Variants in PIEZO2 observed in about 807,000 individuals in gnomAD.
The protein encoded by PIEZO2 is piezo-type mechanosensitive ion channel component 2.
PIEZO2 carries 172 observed loss-of-function variants against 337.3 expected under a neutral mutation model. The observed-to-expected ratio is 0.51, with a 90% CI of 0.45 to 0.58. The LOEUF (loss-of-function observed/expected upper bound fraction) is 0.58, where lower values mean the gene tolerates loss of function less well. Among genes scored for constraint, PIEZO2 ranks in the 20% least tolerant of loss-of-function variants. PIEZO2 has a pLI of 0.00. For synonymous variants in PIEZO2, 1,251 were observed against 1,228.5 expected (o/e 1.02, Z -0.38); for missense variants, 3,028 against 3,391.3 (o/e 0.89, Z 2.66).
rs576609102 is a variant in PIEZO2 at position 11,116,240 on chromosome 18, A to G, written c.64+32285T>C. Among the ~76,000 whole-genome samples, 2 of 152,246 alleles carry G rather than the reference A, an allele frequency of 1.3e-5. No homozygotes were observed. Among genetic ancestry groups the G allele is most frequent in the African/African-American group, 4.8e-5 (2 of 41,562 alleles). On this transcript the variant is annotated intron_variant, in intron 1 of 55. Transcript: ENST00000674853. This position sits in a 1 kb window ranked among gnomAD's most constrained non-coding sequence, Gnocchi z 5.0. ...TTCAATATCCAGCTTTACAAATCCT[A>G]TCTGGTCTTTGATTTTGGAAATGTC...
At chr18:10,841,369 T>C (rs1359270456) in intron 7 of PIEZO2, among the ~76,000 whole-genome samples, 2 of 152,126 alleles carry the variant, frequency 1.3e-5, no homozygotes, top group Non-Finnish European at 2.9e-5. Context: ...GCAAGTTTCA[T>C]GAGCTGAAAA....
chr18:11,096,789 A>G lies in PIEZO2; in HGVS notation c.65-30567T>C, dbSNP rs1208753526. Reference sequence around the variant, plus strand: ...GCTCAGGCTGACCACACTAACATAAAAAGCACTCATTCTTCTGCATTTCCT... The same window carrying G: ...GCTCAGGCTGACCACACTAACATAAGAAGCACTCATTCTTCTGCATTTCCT... On this transcript the variant is annotated intron_variant, in intron 1 of 55. Coordinates refer to ENST00000674853, the MANE Select transcript of PIEZO2 (RefSeq NM_001378183.1). This position sits in a 1 kb window ranked among gnomAD's most constrained non-coding sequence, Gnocchi z 4.6. 6.6e-6 allele frequency among the ~76,000 whole-genome samples: 1 copy of G among 152,134 alleles called. No individual in the cohort carries two copies. The highest frequency in any genetic ancestry group is 1.5e-5 in the Non-Finnish European group (1 of 68,030).
At chr18:10,771,438 C>G (rs2038600648) in intron 20 of PIEZO2, among the ~76,000 whole-genome samples, 1 of 152,242 alleles carries the variant, frequency 6.6e-6, no homozygotes, top group South Asian at 2.1e-4. Context: ...ACTTTATTGA[C>G]TGAAAGTCAC....
intron 1 of PIEZO2, among the ~76,000 whole-genome samples, chr18:11,091,857 GT>G (rs1297314467): frequency 6.6e-6 from 1 of 152,214 alleles, no homozygotes; most frequent in Non-Finnish European, 1.5e-5. Context: ...AAGACCACAA[GT>G]CAAGTCTCAC....
At chr18:10,960,093 C>A (rs1418596400) in intron 3 of PIEZO2, among the ~76,000 whole-genome samples, 2 of 152,240 alleles carry the variant, frequency 1.3e-5, no homozygotes, top group African/African-American at 4.8e-5. Flanking sequence ...ATATTGACAT[C>A]ATAAGGCTGT....
chr18:10,999,996 C>T (rs1303749364), intron 2 of PIEZO2, among the ~76,000 whole-genome samples: 1 of 152,130 alleles, frequency 6.6e-6, no homozygotes, highest in Non-Finnish European at 1.5e-5. Flanking sequence ...GGCCATTTCA[C>T]TGGTATCAAA....
At position 10,689,738 on chromosome 18, in the gene PIEZO2, T is replaced by C. The variant is rs1182680721; in HGVS notation, c.7414A>G (p.Thr2472Ala). The C allele has an allele frequency of 3.1e-6, 5 of 1,614,198 alleles. No homozygotes were observed. Among genetic ancestry groups the C allele is most frequent in the Non-Finnish European group, 4.2e-6 (5 of 1,180,022 alleles). ...AVMDWVWTDT[T>A]LSLSSWICVE... is the part of the protein sequence containing the mutation. ...CAGATCCAGCTGGACAGGCTCAAAG[T>C]TGTGTCCGTCCACACCCAGTCCATC... is the stretch of plus-strand genomic sequence containing the variant. The change falls in exon 49 of 56, where the codon ACT becomes GCT. Residue 2472 changes from threonine (T) to alanine (A), a missense_variant. Coordinates refer to ENST00000674853, the MANE Select transcript of PIEZO2 (RefSeq NM_001378183.1).
In PIEZO2 at chr18:10,752,741, G is replaced by C; in HGVS notation, c.4062C>G (p.Leu1354=). 3 of 1,537,268 alleles carry C rather than the reference G, an allele frequency of 2.0e-6. No individual in the cohort carries two copies. The highest frequency in any genetic ancestry group is 2.6e-6 in the Non-Finnish European group (3 of 1,146,926). ...GTTTCAACAGCAAATCGCCCCCAAA[G>C]AGCAGGAAGTAGAAACAGGCCACCA... ...GYLVACFYFL[L]FGGDLLLKPI... is the part of the protein sequence containing the mutation. Residue 1354 remains leucine, a synonymous_variant, in exon 28 of 56, where the codon CTC becomes CTG. Transcript: ENST00000674853.
intron 7 of PIEZO2, among the ~76,000 whole-genome samples, chr18:10,825,786 G>T (rs1012350012): frequency 3.0e-4 from 45 of 151,872 alleles, no homozygotes; most frequent in African/African-American, 1.0e-3. Flanking sequence ...CCCGACCTCA[G>T]GTGATCTGCC....
Position 10,931,712 on chromosome 18 carries a change from G to A in PIEZO2, c.287-20484C>T, listed in dbSNP as rs1408566775. Among the ~76,000 whole-genome samples, 3 of 91,154 alleles carry A rather than the reference G, an allele frequency of 3.3e-5. No homozygotes were observed. In the Admixed American group the frequency reaches 3.6e-4, roughly 11 times the overall value. 59.8% of individuals were successfully genotyped at this position (91,154 alleles called of 152,430 possible). ...TTCTCTGTGTGGTGTGTGTGTGTGT[G>A]TGAGAGAGAGAGAGAGAGAGAGAGA... On this transcript the variant is annotated intron_variant, in intron 3 of 55. Coordinates refer to ENST00000674853, the MANE Select transcript of PIEZO2 (RefSeq NM_001378183.1).
chr18:10,731,215 A>ATG (rs1567995816), intron 36 of PIEZO2, among the ~76,000 whole-genome samples, 192 bp downstream of exon 36: 106 of 128,712 alleles, frequency 8.2e-4, no homozygotes, highest in African/African-American at 2.9e-3. Flanking sequence ...ATATATATAT[A>ATG]TATCTCCTAA....
intron 7 of PIEZO2, among the ~76,000 whole-genome samples, chr18:10,829,179 A>G (rs1189847): frequency 0.2 from 30,022 of 152,078 alleles, 3,853 homozygotes; most frequent in African/African-American, 0.37. Context: ...GCTTATTTGC[A>G]TCACACAGAG....
rs772751770 is a variant in PIEZO2, at chr18:10,760,933, A to C, written c.3428T>G (p.Phe1143Cys). ...INCAKYFINYFFYKFGLETCF... is the reference protein window; with the variant it reads ...INCAKYFINYCFYKFGLETCF... ...CACCTCCAGACCAAACTTGTAAAAG[A>C]AGTAATTAATGAAATATTTGGCACA... Residue 1143 changes from phenylalanine to cysteine, a missense_variant, in exon 24 of 56, where the codon TTC becomes TGC. Coordinates refer to ENST00000674853, the MANE Select transcript of PIEZO2 (RefSeq NM_001378183.1). 2.6e-6 allele frequency: 4 copies of C among 1,532,302 alleles called. No homozygotes were observed. 94.9% of individuals were successfully genotyped at this position (1,532,302 alleles called of 1,614,324 possible).
In PIEZO2 at chr18:10,955,342, A is replaced by G. The variant is rs892604139; in HGVS notation, c.286+24193T>C. On this transcript the variant is annotated intron_variant, in intron 3 of 55. Transcript: ENST00000674853. The stretch of plus-strand genomic sequence containing the variant: ...AGAGAGCAAGGAGACAGCTATTGGC[A>G]TGGCCTGTCTGGGAGGCCTGTAGTC... 3.9e-5 allele frequency among the ~76,000 whole-genome samples: 6 copies of G among 152,212 alleles called. No individual in the cohort carries two copies. The East Asian group carries it at 1.2e-3, about 29-fold the overall frequency.
In PIEZO2 at chr18:11,033,053, A is replaced by C. The variant is rs1487977743; in HGVS notation, c.160+33074T>G. On this transcript the variant is annotated intron_variant, in intron 2 of 55. Transcript: ENST00000674853. The surrounding 1 kb of genome is among the most constrained non-coding windows in gnomAD (Gnocchi z 4.2). ...AGTTCCAGGGTCTGGTGGCACCCAG[A>C]TAATCCTTTTCTGACTGGTCATATA... Among the ~76,000 whole-genome samples the C allele has an allele frequency of 6.6e-6, 1 of 152,222 alleles. No homozygotes were observed. The highest frequency in any genetic ancestry group is 6.5e-5 in the Admixed American group (1 of 15,282).
At chr18:11,044,279 G>T (rs1250428048) in intron 2 of PIEZO2, among the ~76,000 whole-genome samples, 3 of 151,476 alleles carry the variant, frequency 2.0e-5, no homozygotes, top group African/African-American at 7.3e-5. Flanking sequence ...TCAAAATGTG[G>T]AAACAAATAT....
At position 10,691,768 on chromosome 18, in the gene PIEZO2, A is replaced by AACACAC. The variant is rs1339141004; in HGVS notation, c.7191-391_7191-386dup. ...ATATGATATATTAAAAATATATATAAACACACACACACACATATATATATA... is the reference window on the plus strand; with the variant it reads ...ATATGATATATTAAAAATATATATAAACACACACACACACACACACATATATATATA... On this transcript the variant is annotated intron_variant, in intron 47 of 55. Transcript: ENST00000674853. Among the ~76,000 whole-genome samples, 16 of 75,442 alleles carry AACACAC rather than the reference A, an allele frequency of 2.1e-4. 3 individuals carry two copies. Among genetic ancestry groups the AACACAC allele is most frequent in the East Asian group, 1.0e-3 (2 of 2,006 alleles). The allele number at this position is 75,442 out of a possible 152,430, so 49.5% of individuals were successfully genotyped here. A position where few individuals can be genotyped will look rare whatever the true frequency, so the allele number is the denominator to read the frequency against.
Position 10,676,553 on chromosome 18 carries a change from C to T in PIEZO2, c.8081+1194G>A, listed in dbSNP as rs189464955. Among the ~76,000 whole-genome samples, 10 of 152,262 alleles carry T rather than the reference C, an allele frequency of 6.6e-5. No individual in the cohort carries two copies. The highest frequency in any genetic ancestry group is 1.4e-4 in the African/African-American group (6 of 41,552). Reference sequence around the variant, plus strand: ...CCTTTTACCCCTTGTCCTCCTCAACCGTGTATACTCTACCCCCATTCAGAG... The same window carrying T: ...CCTTTTACCCCTTGTCCTCCTCAACTGTGTATACTCTACCCCCATTCAGAG... On this transcript the variant is annotated intron_variant, in intron 53 of 55. Transcript: ENST00000674853. The surrounding 1 kb of genome is among the most constrained non-coding windows in gnomAD (Gnocchi z 5.1).
At position 10,954,765 on chromosome 18, in the gene PIEZO2, A is replaced by T. The variant is rs1170920411; in HGVS notation, c.286+24770T>A. Among the ~76,000 whole-genome samples the T allele has an allele frequency of 6.6e-6, 1 of 152,216 alleles. No individual in the cohort carries two copies. The highest frequency in any genetic ancestry group is 1.9e-4 in the East Asian group (1 of 5,194). On this transcript the variant is annotated intron_variant, in intron 3 of 55. Coordinates refer to ENST00000674853, the MANE Select transcript of PIEZO2 (RefSeq NM_001378183.1). This position sits in a 1 kb window ranked among gnomAD's most constrained non-coding sequence, Gnocchi z 4.2. ...AGACAGGGGAGACCAGGAGGACCTG[A>T]AGCAACGCATGAGAAGCATCTGACG... is the stretch of plus-strand genomic sequence containing the variant.
Sources: allele counts gnomAD v4.1 joint callset (sites outside exome capture counted in the v4.1 genomes callset), GRCh38; gene constraint gnomAD v4.1.1; non-coding constraint Gnocchi (gnomAD v3.1); transcripts MANE v1.5; gene names NCBI Gene and HGNC (gene_info 2026-07-23, HGNC 2026-07-21).